PRKG1: variants seen among roughly 807,000 people sequenced by gnomAD.
PRKG1 encodes protein kinase cGMP-dependent 1.
A neutral mutation model predicts 88.1 loss-of-function variants in PRKG1; 35 were observed. The observed-to-expected ratio is 0.40, with a 90% confidence interval of 0.30 to 0.53. The LOEUF is 0.53. PRKG1 is among the 20% of genes least tolerant of loss of function. PRKG1 has a pLI of 0.59. For missense variants in PRKG1, 540 were observed against 839.8 expected, an observed-to-expected ratio of 0.64 and a Z score of 4.41; for synonymous variants, 303 against 292.5, an observed-to-expected ratio of 1.04 and a Z score of -0.37.
chr10:51,102,129 G>A (rs1170074269), intron 1 of PRKG1, among the ~76,000 whole-genome samples: 2 of 152,196 alleles, frequency 1.3e-5, no homozygotes, highest in Non-Finnish European at 2.9e-5. Flanking sequence ...ACCTCGTGTA[G>A]TAGAAATACA....
At chr10:51,018,089 TG>T (rs1206674640) in intron 1 of PRKG1, among the ~76,000 whole-genome samples, 5 of 152,184 alleles carry the variant, frequency 3.3e-5, no homozygotes, top group Admixed American at 6.5e-5. Flanking sequence ...CCTATAGGGT[TG>T]GGATTACAGG....
At chr10:51,821,315 G>C (rs1168758198) in intron 4 of PRKG1, among the ~76,000 whole-genome samples, 2 of 152,048 alleles carry the variant, frequency 1.3e-5, no homozygotes, top group African/African-American at 4.8e-5. Flanking sequence ...AAACATTCTT[G>C]AGCATGTTTT....
At chr10:51,326,785 T>C (rs977666574) in intron 2 of PRKG1, among the ~76,000 whole-genome samples, 1 of 152,248 alleles carries the variant, frequency 6.6e-6, no homozygotes, top group African/African-American at 2.4e-5. Flanking sequence ...AAGTGCTGAA[T>C]ACAGTAACTT....
At chr10:51,246,152 G>C (rs571019503) in intron 2 of PRKG1, among the ~76,000 whole-genome samples, 1 of 152,068 alleles carries the variant, frequency 6.6e-6, no homozygotes, top group Non-Finnish European at 1.5e-5. Context: ...TGCTCCGCAA[G>C]ATGGACTGAC....
intron 9 of PRKG1, among the ~76,000 whole-genome samples, chr10:52,217,763 G>C (rs1454733738): frequency 6.6e-6 from 1 of 152,164 alleles, no homozygotes; most frequent in East Asian, 1.9e-4. Context: ...CCTGTTGGTA[G>C]TATAGACATC....
chr10:52,172,284 T>A (rs1481279696), intron 9 of PRKG1, among the ~76,000 whole-genome samples: 1 of 152,216 alleles, frequency 6.6e-6, no homozygotes, highest in East Asian at 1.9e-4. Context: ...GCTGCTGACT[T>A]GCTTGGTGAA....
intron 3 of PRKG1, among the ~76,000 whole-genome samples, chr10:51,718,774 G>C (rs1841944518): frequency 6.6e-6 from 1 of 151,910 alleles, no homozygotes; most frequent in Non-Finnish European, 1.5e-5. Flanking sequence ...CCAGAGGCTG[G>C]GAAGGGTAGT....
At chr10:51,516,219 C>T (rs919015575) in intron 3 of PRKG1, among the ~76,000 whole-genome samples, 2 of 152,070 alleles carry the variant, frequency 1.3e-5, no homozygotes, top group African/African-American at 2.4e-5. Context: ...AAGGGAAGGT[C>T]GCTCTCCCCT....
chr10:52,233,693 C>T (rs1274093373), intron 9 of PRKG1, among the ~76,000 whole-genome samples: 1 of 143,266 alleles, frequency 7.0e-6, no homozygotes. Context: ...ATTGCTAGCA[C>T]AGCAGTCTGA....
At chr10:51,749,338 T>C (rs756420559) in intron 3 of PRKG1, among the ~76,000 whole-genome samples, 8 of 152,190 alleles carry the variant, frequency 5.3e-5, no homozygotes, top group Non-Finnish European at 1.2e-4. Flanking sequence ...AAGCTGGAAG[T>C]CTGAGACCAG....
At chr10:51,349,830 G>A (rs948412535) in intron 2 of PRKG1, among the ~76,000 whole-genome samples, 1 of 151,986 alleles carries the variant, frequency 6.6e-6, no homozygotes, top group Non-Finnish European at 1.5e-5. Context: ...TTTAAGCTGA[G>A]TACACATTCT....
At chr10:51,274,229 A>G (rs147186342) in intron 2 of PRKG1, among the ~76,000 whole-genome samples, 74 of 152,280 alleles carry the variant, frequency 4.9e-4, no homozygotes, top group African/African-American at 1.7e-3. Flanking sequence ...CAAAGTAATC[A>G]CCACTTTCAA....
chr10:51,038,788 C>G (rs536185122), intron 1 of PRKG1, among the ~76,000 whole-genome samples: 9 of 152,022 alleles, frequency 5.9e-5, no homozygotes, highest in African/African-American at 2.2e-4. Context: ...CAATAAACAG[C>G]AAGTAAATGC....
At chr10:51,888,224 A>C (rs980355192) in intron 4 of PRKG1, among the ~76,000 whole-genome samples, 2 of 152,232 alleles carry the variant, frequency 1.3e-5, no homozygotes, top group Non-Finnish European at 2.9e-5. Flanking sequence ...TAAAAAAATA[A>C]AAATTGAAAA....
At chr10:51,650,289 T>C (rs1167678571) in intron 3 of PRKG1, among the ~76,000 whole-genome samples, 3 of 152,220 alleles carry the variant, frequency 2.0e-5, no homozygotes, top group Non-Finnish European at 2.9e-5. Flanking sequence ...ATGGTTTTTG[T>C]TGAATTGGAA....
intron 2 of PRKG1, among the ~76,000 whole-genome samples, chr10:51,156,060 A>T (rs1200531499): frequency 6.6e-6 from 1 of 151,932 alleles, no homozygotes; most frequent in Non-Finnish European, 1.5e-5. Context: ...GAACAAGGTC[A>T]TACTTCCACC....
At chr10:51,165,766 G>A (rs915987804) in intron 2 of PRKG1, among the ~76,000 whole-genome samples, 2 of 151,972 alleles carry the variant, frequency 1.3e-5, no homozygotes, top group Non-Finnish European at 2.9e-5. Context: ...AATATGTAAT[G>A]GTATGTTTAT....
chr10:51,457,615 G>A (rs550621521), intron 2 of PRKG1, among the ~76,000 whole-genome samples: 2 of 152,304 alleles, frequency 1.3e-5, no homozygotes, highest in Admixed American at 6.5e-5. Context: ...TATATAACAT[G>A]TGGTTCTTGT....
chr10:51,163,140 G>A (rs1846411656), intron 2 of PRKG1, among the ~76,000 whole-genome samples: 1 of 152,134 alleles, frequency 6.6e-6, no homozygotes, highest in Non-Finnish European at 1.5e-5. Context: ...ACTCCAGTCT[G>A]GGCAACAGGA....
Sources: gnomAD v4.1 joint callset for allele counts (sites outside exome capture counted in the v4.1 genomes callset) on GRCh38, gnomAD v4.1.1 for gene constraint, MANE v1.5 for transcripts, NCBI Gene and HGNC (gene_info 2026-07-23, HGNC 2026-07-21) for gene names.